SPHKAP: variants seen among roughly 807,000 people sequenced by gnomAD.
SPHKAP encodes SPHK1 interactor, AKAP domain containing, also known as A-kinase anchor protein SPHKAP.
In SPHKAP, 67 loss-of-function variants were observed where a neutral mutation model predicts 137.5. That is an observed-to-expected ratio of 0.49 (90% confidence interval 0.40 to 0.60). The LOEUF is 0.60. Among genes scored for constraint, SPHKAP ranks in the 20% least tolerant of loss-of-function variants. SPHKAP has a pLI of 0.00. For missense variants in SPHKAP, 2,097 were observed against 2,069.3 expected (o/e 1.01, Z -0.26); for synonymous variants, 813 against 785.3 (o/e 1.04, Z -0.59).
intron 3 of SPHKAP, among the ~76,000 whole-genome samples, chr2:228,050,632 G>T (rs563305282): frequency 6.6e-6 from 1 of 152,178 alleles, no homozygotes; most frequent in African/African-American, 2.4e-5. Context: ...TTTTGTTTAT[G>T]CTAGAAACAT....
At chr2:228,169,643 A>C (rs978258182) in intron 1 of SPHKAP, 1 of 152,098 alleles carries the variant, frequency 6.6e-6, no homozygotes, top group Non-Finnish European at 1.5e-5. Context: ...GAAGAAAATT[A>C]ATGTTGTTTT....
intron 7 of SPHKAP, among the ~76,000 whole-genome samples, chr2:227,997,905 A>C (rs1693695346): frequency 1.3e-5 from 2 of 152,254 alleles, no homozygotes. Flanking sequence ...GTCTAGTTTC[A>C]TAAGCAGAGC....
intron 1 of SPHKAP, among the ~76,000 whole-genome samples, chr2:228,150,241 G>C (rs903727867): frequency 6.6e-6 from 1 of 152,128 alleles, no homozygotes; most frequent in African/African-American, 2.4e-5. Flanking sequence ...TGGTTGGGCA[G>C]CTGTTCTTTT....
intron 7 of SPHKAP, among the ~76,000 whole-genome samples, chr2:228,004,860 A>G (rs888296843): frequency 2.0e-5 from 3 of 151,820 alleles, no homozygotes; most frequent in African/African-American, 4.8e-5. Flanking sequence ...CATGTAGTTG[A>G]TTGGTTTTGA....
At position 228,012,441 on chromosome 2, in the gene SPHKAP, G is replaced by A. The variant is rs76480698; in HGVS notation, c.4448+3965C>T. Among the ~76,000 whole-genome samples, 635 of 152,142 alleles carry A rather than the reference G, an allele frequency of 4.2e-3. 4 individuals carry two copies. Among genetic ancestry groups the A allele is most frequent in the African/African-American group, 0.014 (595 of 41,518 alleles). On this transcript the variant is annotated intron_variant, in intron 7 of 11. Transcript: ENST00000392056. ...AGTCTTTCACTCTAGTTCTTCTCAC[G>A]GCTGGCACCTTCTCTTCGTTTAGGT... is the stretch of plus-strand genomic sequence containing the variant.
At chr2:228,176,323 C>T (rs1257556930) in intron 1 of SPHKAP, among the ~76,000 whole-genome samples, 1 of 152,122 alleles carries the variant, frequency 6.6e-6, no homozygotes, top group Admixed American at 6.5e-5. Context: ...TGATTTCACC[C>T]ACCTCTTTCA....
chr2:228,005,949 C>T (rs1018655399), intron 7 of SPHKAP, among the ~76,000 whole-genome samples: 1 of 152,200 alleles, frequency 6.6e-6, no homozygotes, highest in African/African-American at 2.4e-5. Context: ...GTAACCCGAC[C>T]TTTCTCTTTG....
At chr2:228,138,824 A>G (rs1248686763) in intron 1 of SPHKAP, among the ~76,000 whole-genome samples, 2 of 152,174 alleles carry the variant, frequency 1.3e-5, no homozygotes, top group African/African-American at 4.8e-5. Context: ...TTTAACCATC[A>G]TTCTTCAAAT....
chr2:228,140,410 A>G (rs926207837), intron 1 of SPHKAP, among the ~76,000 whole-genome samples: 3 of 152,126 alleles, frequency 2.0e-5, no homozygotes, highest in African/African-American at 7.2e-5. Flanking sequence ...TTCTTCCATC[A>G]AACCACTTGG....
chr2:228,074,514 A>G (rs938744603), intron 3 of SPHKAP, among the ~76,000 whole-genome samples: 3 of 152,090 alleles, frequency 2.0e-5, no homozygotes, highest in Admixed American at 1.3e-4. Context: ...ATAAAATCAG[A>G]TCTCGTGAGA....
At chr2:228,124,340 C>G (rs1039311110) in intron 2 of SPHKAP, among the ~76,000 whole-genome samples, 1 of 151,932 alleles carries the variant, frequency 6.6e-6, no homozygotes, top group African/African-American at 2.4e-5. Flanking sequence ...ACCCAAATGT[C>G]CAACAATGAT....
chr2:228,065,814 A>C (rs569256428), intron 3 of SPHKAP, among the ~76,000 whole-genome samples: 4 of 152,188 alleles, frequency 2.6e-5, no homozygotes, highest in Non-Finnish European at 4.4e-5. Flanking sequence ...GTCTGTGGCA[A>C]GGCTGCCTCT....
At chr2:228,010,829 A>G (rs1419765488) in intron 7 of SPHKAP, among the ~76,000 whole-genome samples, 2 of 152,162 alleles carry the variant, frequency 1.3e-5, no homozygotes, top group East Asian at 1.9e-4. Flanking sequence ...AATATTAAAC[A>G]TAAGTACTTT....
At position 228,126,165 on chromosome 2, in the gene SPHKAP, G is replaced by A. The variant is rs193175425; in HGVS notation, c.138+5815C>T. On this transcript the variant is annotated intron_variant, in intron 2 of 11. Transcript: ENST00000392056. ...TATAATTCAAGGGATTCTAGGGGGA[G>A]AACTTTAGGGCTCCCTACCCAGCAG... 1.6e-3 allele frequency among the ~76,000 whole-genome samples: 245 copies of A among 152,254 alleles called. 2 individuals carry two copies. The highest frequency in any genetic ancestry group is 4.0e-3 in the Admixed American group (61 of 15,282).
At chr2:228,049,467 T>A (rs1696177223) in intron 3 of SPHKAP, among the ~76,000 whole-genome samples, 1 of 152,254 alleles carries the variant, frequency 6.6e-6, no homozygotes, top group Non-Finnish European at 1.5e-5. Flanking sequence ...TTATAAAGAA[T>A]GAGGTTTTTA....
intron 1 of SPHKAP, among the ~76,000 whole-genome samples, chr2:228,137,991 G>A (rs1245985417): frequency 6.6e-6 from 1 of 152,146 alleles, no homozygotes; most frequent in Non-Finnish European, 1.5e-5. Context: ...TCTTGACAAA[G>A]ACTCTTTTCT....
intron 3 of SPHKAP, among the ~76,000 whole-genome samples, chr2:228,059,354 C>G (rs1245489202): frequency 6.6e-6 from 1 of 152,090 alleles, no homozygotes; most frequent in African/African-American, 2.4e-5. Flanking sequence ...TTTTTCATTC[C>G]CTACTTACTC....
chr2:228,001,262 CAT>C (rs55966167), intron 7 of SPHKAP, among the ~76,000 whole-genome samples: 1 of 142,180 alleles, frequency 7.0e-6, no homozygotes, highest in African/African-American at 2.6e-5. Context: ...CACACACACA[CAT>C]ATATAAATAT....
chr2:228,058,534 C>T (rs953732437), intron 3 of SPHKAP, among the ~76,000 whole-genome samples: 12 of 152,136 alleles, frequency 7.9e-5, no homozygotes, highest in African/African-American at 2.9e-4. Flanking sequence ...CTCTGCACCC[C>T]GATCCCGCTG....
Sources: allele counts gnomAD v4.1 joint callset (sites outside exome capture counted in the v4.1 genomes callset), GRCh38; gene constraint gnomAD v4.1.1; transcripts MANE v1.5; gene names NCBI Gene and HGNC (gene_info 2026-07-23, HGNC 2026-07-21).